MET: variants seen among roughly 807,000 people sequenced by gnomAD.
The protein encoded by MET is MET proto-oncogene, receptor tyrosine kinase.
MET carries 48 observed loss-of-function variants against 133.1 expected under a neutral mutation model. The ratio of observed to expected loss-of-function variants is 0.36; its 90% CI spans 0.29 to 0.46. MET has a LOEUF of 0.46. Among genes scored for constraint, MET ranks in the 20% least tolerant of loss-of-function variants. MET has a pLI of 1.00. For missense variants in MET, 1,442 were observed against 1,695.9 expected, an observed-to-expected ratio of 0.85 and a Z score of 2.63; for synonymous variants, 628 against 616.5, an observed-to-expected ratio of 1.02 and a Z score of -0.28.
At chr7:116,730,458 A>G (rs571243169) in intron 2 of MET, among the ~76,000 whole-genome samples, 1 of 152,334 alleles carries the variant, frequency 6.6e-6, no homozygotes, top group African/African-American at 2.4e-5. Context: ...TGTGTTTGAA[A>G]AAGAAAATCC....
At chr7:116,769,574 C>T (rs2116981457) in intron 11 of MET, 71 bp from the exon 12 acceptor site, 4 of 1,566,516 alleles carry the variant, frequency 2.6e-6, no homozygotes, top group Non-Finnish European at 3.5e-6. Flanking sequence ...TATTTATATT[C>T]CTTTGCCATT....
intron 1 of MET, among the ~76,000 whole-genome samples, chr7:116,675,803 T>A (rs547919215): frequency 3.5e-4 from 53 of 151,998 alleles, no homozygotes; most frequent in African/African-American, 1.2e-3. Flanking sequence ...TTCTTTGTAG[T>A]GAGACATACC....
At chr7:116,716,150 G>T (rs113080858) in intron 2 of MET, among the ~76,000 whole-genome samples, 1 of 151,918 alleles carries the variant, frequency 6.6e-6, no homozygotes. Context: ...TACTCTGGAT[G>T]CTGAGGAGGG....
chr7:116,683,876 T>G (rs1016664819), intron 1 of MET, among the ~76,000 whole-genome samples: 4 of 152,258 alleles, frequency 2.6e-5, no homozygotes, highest in Non-Finnish European at 5.9e-5. Context: ...TAGATTCTAG[T>G]CTTCTGTAAG....
intron 1 of MET, among the ~76,000 whole-genome samples, chr7:116,684,137 T>C (rs1796459022): frequency 6.6e-6 from 1 of 152,226 alleles, no homozygotes; most frequent in Non-Finnish European, 1.5e-5. Flanking sequence ...CTATTTTCCT[T>C]ACCTTGGTTT....
intron 8 of MET, 156 bp downstream of exon 8, chr7:116,757,930 T>A (rs1045485187): frequency 3.8e-6 from 3 of 791,332 alleles, no homozygotes; most frequent in Middle Eastern, 3.7e-4. Context: ...CTTCCAAAAT[T>A]CATCTACTCC....
chr7:116,683,101 G>C (rs1796422084), intron 1 of MET, among the ~76,000 whole-genome samples: 1 of 152,092 alleles, frequency 6.6e-6, no homozygotes, highest in African/African-American at 2.4e-5. Context: ...TTTAGGCTCA[G>C]TGGTACATGC....
At chr7:116,733,538 A>C (rs1159997008) in intron 3 of MET, among the ~76,000 whole-genome samples, 1 of 152,146 alleles carries the variant, frequency 6.6e-6, no homozygotes, top group Admixed American at 6.5e-5. Flanking sequence ...CTGCTGTGTG[A>C]CAGAGTCAAT....
intron 1 of MET, among the ~76,000 whole-genome samples, chr7:116,678,921 T>C (rs1584851088): frequency 1.3e-5 from 2 of 152,014 alleles, no homozygotes; most frequent in Non-Finnish European, 2.9e-5. Context: ...CAGAAAAAAA[T>C]AGGAAGTTGG....
chr7:116,789,254 C>T (rs1044102479), intron 19 of MET, among the ~76,000 whole-genome samples: 3 of 152,148 alleles, frequency 2.0e-5, no homozygotes, highest in African/African-American at 7.2e-5. Context: ...GGTCATCCTC[C>T]ACCAACAGTT....
chr7:116,789,702 T>C (rs1318015893), intron 19 of MET, among the ~76,000 whole-genome samples: 4 of 152,370 alleles, frequency 2.6e-5, no homozygotes, highest in African/African-American at 7.2e-5. Context: ...CTTCGCATAT[T>C]ACATTTGAGA....
chr7:116,704,051 G>T (rs1349224260), intron 2 of MET, among the ~76,000 whole-genome samples: 1 of 152,082 alleles, frequency 6.6e-6, no homozygotes, highest in African/African-American at 2.4e-5. Flanking sequence ...AAGTGAAGGG[G>T]AAAAGCATTT....
Position 116,757,439 on chromosome 7 carries a change from T to C in MET, c.1865T>C (p.Leu622Ser). 1 of 1,612,968 alleles carries C rather than the reference T, an allele frequency of 6.2e-7. No homozygotes were observed. Among genetic ancestry groups the C allele is most frequent in the Non-Finnish European group, 8.5e-7 (1 of 1,179,790 alleles). Residue 622 changes from leucine (L) to serine (S), a missense_variant and splice_region_variant, in exon 7 of 21, where the codon TTG becomes TCG. Leu to Ser is a moderately radical substitution (Grantham distance 145). Around this residue, in one of 6 missense-constraint regions of MET, gnomAD observed 762 missense variants for 792.4 expected, o/e 0.96. Coordinates refer to ENST00000397752, the MANE Select transcript of MET (RefSeq NM_000245.4). The stretch of plus-strand genomic sequence containing the variant: ...TAAACTTTGGGTTTTTTTTCCAGAT[T>C]GAAATGCACAGTTGGTCCTGCCATG... ...LTLSESTMNT[L>S]KCTVGPAMNK...
chr7:116,731,614 C>G (rs1003903164), intron 2 of MET, 54 bp from the exon 3 acceptor site: 15 of 1,589,704 alleles, frequency 9.4e-6, no homozygotes, highest in Admixed American at 1.7e-5. Context: ...AGGTTTCTTA[C>G]CAGCTTGTTC....
rs1321841621 is a variant in MET at position 116,798,053 on chromosome 7, A to G, written c.*1929A>G. The G allele has an allele frequency of 1.8e-5, 4 of 221,790 alleles. No individual in the cohort carries two copies. The highest frequency in any genetic ancestry group is 3.6e-5 in the Non-Finnish European group (4 of 110,582). The allele number at this position is 221,790 out of a possible 1,614,324, so 13.7% of individuals were successfully genotyped here. On this transcript the variant is annotated 3_prime_UTR_variant, in exon 21 of 21. Coordinates refer to ENST00000397752, the MANE Select transcript of MET (RefSeq NM_000245.4). The stretch of plus-strand genomic sequence containing the variant: ...AGAGTATTGTAAATGGTGGATGACA[A>G]AAGAAAATCTGCTCTGTGGAAAGAA...
At chr7:116,713,376 C>T (rs545458374) in intron 2 of MET, among the ~76,000 whole-genome samples, 2 of 140,728 alleles carry the variant, frequency 1.4e-5, no homozygotes, top group Admixed American at 1.5e-4. Flanking sequence ...GCCTGGGCGA[C>T]AGAGCGAGAC....
intron 1 of MET, among the ~76,000 whole-genome samples, chr7:116,698,223 G>A (rs1196325488): frequency 6.6e-6 from 1 of 152,056 alleles, no homozygotes; most frequent in Non-Finnish European, 1.5e-5. Context: ...TGAATAACAG[G>A]CCCATTCATG....
At chr7:116,724,314 G>A (rs879925029) in intron 2 of MET, 95 of 173,340 alleles carry the variant, frequency 5.5e-4, no homozygotes, top group African/African-American at 2.0e-3. Flanking sequence ...GCAATGCCTC[G>A]CCCTGCTTCG....
At chr7:116,755,865 G>A (rs1794158854) in intron 6 of MET, among the ~76,000 whole-genome samples, 1 of 152,158 alleles carries the variant, frequency 6.6e-6, no homozygotes, top group Non-Finnish European at 1.5e-5. Context: ...GTCTCCAAAG[G>A]CTTTTTCTAC....
Sources: allele counts gnomAD v4.1 joint callset (sites outside exome capture counted in the v4.1 genomes callset), GRCh38; gene constraint gnomAD v4.1.1; regional missense constraint gnomAD v4.1.1; transcripts MANE v1.5; gene names NCBI Gene and HGNC (gene_info 2026-07-23, HGNC 2026-07-21).